RFX3: variants seen among roughly 807,000 people sequenced by gnomAD.
RFX3 encodes the protein transcription factor RFX3.
Under a neutral mutation model 98.6 loss-of-function variants are expected in RFX3, and 14 were observed. The ratio of observed to expected loss-of-function variants is 0.14; its 90% CI spans 0.09 to 0.22. RFX3 has a LOEUF of 0.22. RFX3 is among the 10% of genes least tolerant of loss of function. The pLI, the probability that RFX3 is intolerant of heterozygous loss-of-function variation, is 1.00. For synonymous variants in RFX3, 383 were observed against 328.4 expected (o/e 1.17, Z -1.80); for missense variants, 639 against 926.9 (o/e 0.69, Z 4.03).
chr9:3,320,822 C>T (rs1183111668), intron 4 of RFX3, among the ~76,000 whole-genome samples: 1 of 131,962 alleles, frequency 7.6e-6, no homozygotes, highest in African/African-American at 2.8e-5. Flanking sequence ...GCCTCATTAT[C>T]TAGGGGCTAC....
intron 1 of RFX3, among the ~76,000 whole-genome samples, chr9:3,510,858 A>C (rs1233527510): frequency 6.6e-6 from 1 of 152,056 alleles, no homozygotes; most frequent in Non-Finnish European, 1.5e-5. Flanking sequence ...ACTTTTGAAA[A>C]GTATAAAAAT....
At chr9:3,238,705 TC>T (rs1819509323) in intron 15 of RFX3, among the ~76,000 whole-genome samples, 1 of 152,188 alleles carries the variant, frequency 6.6e-6, no homozygotes, top group Non-Finnish European at 1.5e-5. Flanking sequence ...CTCTGCAATT[TC>T]CTGTGATTTC....
rs1825381861 is a variant in RFX3 at position 3,277,470 on chromosome 9, A to G, written c.852-9T>C. 2 of 1,610,148 alleles carry G rather than the reference A, an allele frequency of 1.2e-6. No homozygotes were observed. Among genetic ancestry groups the G allele is most frequent in the Non-Finnish European group, 1.7e-6 (2 of 1,177,466 alleles). On this transcript the variant is annotated splice_polypyrimidine_tract_variant and intron_variant, in intron 7 of 16. Coordinates refer to ENST00000617270, the MANE Select transcript of RFX3 (RefSeq NM_001282116.2). ...TCTGCATAGGCTTGTACCTAAAAAT[A>G]TTAGATGGAAAAAAACAAATAAACC...
chr9:3,320,571 A>G (rs941156994), intron 4 of RFX3, among the ~76,000 whole-genome samples: 1 of 143,262 alleles, frequency 7.0e-6, no homozygotes, highest in Non-Finnish European at 1.5e-5. Flanking sequence ...AAAAAAAAAC[A>G]AAAAAAAAAA....
chr9:3,498,230 T>C (rs1800701828), intron 1 of RFX3, among the ~76,000 whole-genome samples: 1 of 152,074 alleles, frequency 6.6e-6, no homozygotes, highest in South Asian at 2.1e-4. Flanking sequence ...CCGATACTTT[T>C]ACTGTCGCTG....
At chr9:3,289,294 A>C (rs1189514253) in intron 6 of RFX3, among the ~76,000 whole-genome samples, 1 of 152,096 alleles carries the variant, frequency 6.6e-6, no homozygotes, top group African/African-American at 2.4e-5. Flanking sequence ...AAGACATTAA[A>C]ATTATACTAT....
intron 1 of RFX3, among the ~76,000 whole-genome samples, chr9:3,516,844 T>C (rs984606614): frequency 1.3e-5 from 2 of 152,098 alleles, no homozygotes; most frequent in Non-Finnish European, 2.9e-5. Context: ...GTCAGACACT[T>C]GTCTGGCACA....
intron 1 of RFX3, among the ~76,000 whole-genome samples, chr9:3,448,433 G>T (rs1846247404): frequency 6.6e-6 from 1 of 152,084 alleles, no homozygotes; most frequent in East Asian, 1.9e-4. Flanking sequence ...TGCTACATCA[G>T]CTGTATCACC....
chr9:3,457,451 C>A (rs1213981529), intron 1 of RFX3, among the ~76,000 whole-genome samples: 1 of 152,300 alleles, frequency 6.6e-6, no homozygotes, highest in East Asian at 1.9e-4. Flanking sequence ...GTCTTCTTTA[C>A]TCAATTTGAG....
intron 11 of RFX3, among the ~76,000 whole-genome samples, chr9:3,269,161 G>A (rs1019408660): frequency 6.6e-6 from 1 of 151,824 alleles, no homozygotes; most frequent in East Asian, 1.9e-4. Context: ...GTGAGATAAT[G>A]TCAGCTAATT....
chr9:3,413,297 T>C (rs12004965), intron 1 of RFX3, among the ~76,000 whole-genome samples: 4,105 of 152,190 alleles, frequency 0.027, 194 homozygotes, highest in African/African-American at 0.095. Context: ...ATTTACTTGA[T>C]AAATTGTTTT....
intron 7 of RFX3, among the ~76,000 whole-genome samples, chr9:3,287,090 A>G (rs1024916448): frequency 6.6e-6 from 1 of 151,890 alleles, no homozygotes; most frequent in Admixed American, 6.6e-5. Context: ...TAACTCTTCA[A>G]ACATAAGAAC....
chr9:3,374,302 G>A (rs186903917), intron 2 of RFX3, among the ~76,000 whole-genome samples: 2 of 152,272 alleles, frequency 1.3e-5, no homozygotes, highest in Admixed American at 1.3e-4. Flanking sequence ...ATTATCATAT[G>A]ATCCAGCAAT....
At chr9:3,440,303 AAG>A (rs1249150118) in intron 1 of RFX3, among the ~76,000 whole-genome samples, 1 of 152,070 alleles carries the variant, frequency 6.6e-6, no homozygotes, top group African/African-American at 2.4e-5. Context: ...ATTTTAAAGA[AAG>A]AAATAAAATT....
chr9:3,412,743 G>A (rs1293172682), intron 1 of RFX3, among the ~76,000 whole-genome samples: 3 of 151,986 alleles, frequency 2.0e-5, no homozygotes, highest in African/African-American at 7.2e-5. Flanking sequence ...TAGAAAGAAA[G>A]GGAAACTTAT....
chr9:3,520,041 T>C (rs955905746), intron 1 of RFX3, among the ~76,000 whole-genome samples: 2 of 152,150 alleles, frequency 1.3e-5, no homozygotes, highest in Non-Finnish European at 2.9e-5. Context: ...GCCCAGGAGA[T>C]TGAGGCTGCA....
At chr9:3,252,864 C>T (rs183555240) in intron 14 of RFX3, among the ~76,000 whole-genome samples, 1 of 152,274 alleles carries the variant, frequency 6.6e-6, no homozygotes, top group African/African-American at 2.4e-5. Context: ...ACATGTATGT[C>T]ATGAAATTAT....
At chr9:3,420,913 A>C (rs1055774413) in intron 1 of RFX3, 1 of 985,144 alleles carries the variant, frequency 1.0e-6, no homozygotes. Context: ...TGAAACCAGC[A>C]AATATGGATC....
intron 5 of RFX3, among the ~76,000 whole-genome samples, chr9:3,294,121 A>C (rs188539676): frequency 7.2e-4 from 110 of 152,324 alleles, no homozygotes; most frequent in Non-Finnish European, 1.3e-3. Flanking sequence ...TTGAATTTTA[A>C]CATTAACAAA....
Sources: allele counts gnomAD v4.1 joint callset (sites outside exome capture counted in the v4.1 genomes callset), GRCh38; gene constraint gnomAD v4.1.1; transcripts MANE v1.5; gene names NCBI Gene and HGNC (gene_info 2026-07-23, HGNC 2026-07-21).